The following TMEM132D variants were observed in gnomAD, a reference collection of about 807,000 sequenced individuals.
TMEM132D encodes the protein transmembrane protein 132D, also known as mature OL transmembrane protein.
TMEM132D carries 21 observed loss-of-function variants against 62.3 expected under a neutral mutation model. The observed-to-expected ratio is 0.34, with a 90% CI of 0.24 to 0.49. The LOEUF (loss-of-function observed/expected upper bound fraction) is 0.49. Ranked by LOEUF, TMEM132D falls within the 20% of genes least tolerant of loss-of-function variation. The pLI, the probability that TMEM132D is intolerant of heterozygous loss-of-function variation, is 0.99. For synonymous variants in TMEM132D, 621 were observed against 575.6 expected, an observed-to-expected ratio of 1.08 and a Z score of -1.13; for missense variants, 1,346 against 1,402.8, an observed-to-expected ratio of 0.96 and a Z score of 0.65.
chr12:129,566,292 T>C (rs913485700), intron 2 of TMEM132D, among the ~76,000 whole-genome samples: 1 of 152,186 alleles, frequency 6.6e-6, no homozygotes, highest in Admixed American at 6.5e-5. Context: ...AAAACTGGTA[T>C]CTGCTACTGT....
chr12:129,410,252 A>G (rs995346313), intron 3 of TMEM132D, among the ~76,000 whole-genome samples: 1 of 152,246 alleles, frequency 6.6e-6, no homozygotes, highest in Admixed American at 6.5e-5. Context: ...AAAACACAGT[A>G]CAGAGTTTAC....
At chr12:129,527,568 T>C (rs1001193519) in intron 3 of TMEM132D, among the ~76,000 whole-genome samples, 1 of 152,180 alleles carries the variant, frequency 6.6e-6, no homozygotes, top group Admixed American at 6.5e-5. Context: ...CATTCAAGTA[T>C]ACTGATCCTC....
intron 4 of TMEM132D, among the ~76,000 whole-genome samples, chr12:129,269,065 T>G (rs901501930): frequency 6.6e-6 from 1 of 151,424 alleles, no homozygotes; most frequent in African/African-American, 2.4e-5. Context: ...ATATACCTAA[T>G]GCTAAATGAC....
chr12:129,437,399 T>C (rs565392836), intron 3 of TMEM132D, among the ~76,000 whole-genome samples: 2 of 152,164 alleles, frequency 1.3e-5, no homozygotes, highest in Non-Finnish European at 2.9e-5. Context: ...TTTTTAAGTA[T>C]TTGGGGTATA....
chr12:129,840,897 G>A (rs1352814097), intron 1 of TMEM132D, among the ~76,000 whole-genome samples: 1 of 152,214 alleles, frequency 6.6e-6, no homozygotes, highest in Non-Finnish European at 1.5e-5. Context: ...GCTTAATAAG[G>A]AAAGCATGAA....
At chr12:129,104,710 A>G in intron 5 of TMEM132D, among the ~76,000 whole-genome samples, 1 of 151,236 alleles carries the variant, frequency 6.6e-6, no homozygotes, top group African/African-American at 2.5e-5. Context: ...AAAACAAACA[A>G]CCCCATCAAA....
At chr12:129,294,533 C>A (rs1323034521) in intron 4 of TMEM132D, among the ~76,000 whole-genome samples, 2 of 152,190 alleles carry the variant, frequency 1.3e-5, no homozygotes, top group Non-Finnish European at 2.9e-5. Context: ...TTACCCTTTC[C>A]AGAGGGCTAC....
At chr12:129,864,149 G>A (rs934007983) in intron 1 of TMEM132D, among the ~76,000 whole-genome samples, 2 of 152,312 alleles carry the variant, frequency 1.3e-5, no homozygotes, top group African/African-American at 4.8e-5. Context: ...CTTGTGAGGA[G>A]ACTCAAGCAG....
chr12:129,104,031 G>GA (rs1302435066), intron 5 of TMEM132D, among the ~76,000 whole-genome samples: 1 of 151,644 alleles, frequency 6.6e-6, no homozygotes, highest in Non-Finnish European at 1.5e-5. Flanking sequence ...CACAGAATTG[G>GA]AAAAAACTAC....
At chr12:129,859,141 G>A (rs1466568869) in intron 1 of TMEM132D, among the ~76,000 whole-genome samples, 1 of 152,190 alleles carries the variant, frequency 6.6e-6, no homozygotes, top group Non-Finnish European at 1.5e-5. Flanking sequence ...TGAGGACACG[G>A]TGAGAAGGTG....
At chr12:129,623,713 G>A (rs11060466) in intron 2 of TMEM132D, among the ~76,000 whole-genome samples, 3,628 of 91,952 alleles carry the variant, frequency 0.039, 140 homozygotes, top group African/African-American at 0.11. Context: ...ACATACATAT[G>A]CATATATATA....
At chr12:129,896,001 C>T (rs1037310012) in intron 1 of TMEM132D, among the ~76,000 whole-genome samples, 1 of 141,922 alleles carries the variant, frequency 7.0e-6, no homozygotes, top group Non-Finnish European at 1.5e-5. Context: ...GACAGGGTCT[C>T]ACTCTGTCAC....
chr12:129,185,719 A>C (rs1030686012), intron 5 of TMEM132D, among the ~76,000 whole-genome samples: 5 of 143,026 alleles, frequency 3.5e-5, no homozygotes, highest in East Asian at 1.9e-4. Flanking sequence ...GTCTGTCTCT[A>C]TCTATCTGTC....
intron 5 of TMEM132D, among the ~76,000 whole-genome samples, chr12:129,119,177 T>C (rs1875986753): frequency 6.6e-6 from 1 of 152,234 alleles, no homozygotes; most frequent in Non-Finnish European, 1.5e-5. Flanking sequence ...GAAATGGTTT[T>C]GACTTTTTAA....
intron 2 of TMEM132D, among the ~76,000 whole-genome samples, chr12:129,546,691 C>T (rs1876746218): frequency 6.6e-6 from 1 of 151,914 alleles, no homozygotes; most frequent in Admixed American, 6.6e-5. Context: ...ATCCCAGCAA[C>T]TCAGGAGGCT....
intron 5 of TMEM132D, among the ~76,000 whole-genome samples, chr12:129,198,200 G>A (rs1041329964): frequency 2.0e-5 from 3 of 152,230 alleles, no homozygotes; most frequent in East Asian, 3.9e-4. Flanking sequence ...AGGATGTAAC[G>A]AAAAGGGAAC....
chr12:129,624,073 G>C (rs1022231315), intron 2 of TMEM132D, among the ~76,000 whole-genome samples: 29 of 152,090 alleles, frequency 1.9e-4, no homozygotes, highest in African/African-American at 6.8e-4. Context: ...GAGTGACTTA[G>C]TCATATCCCC....
intron 5 of TMEM132D, among the ~76,000 whole-genome samples, chr12:129,154,953 T>C (rs1877190585): frequency 6.6e-6 from 1 of 152,244 alleles, no homozygotes. Context: ...GTTTACACTT[T>C]TCTGGCATTA....
chr12:129,196,021 G>T (rs954771145), intron 5 of TMEM132D, among the ~76,000 whole-genome samples: 1 of 152,128 alleles, frequency 6.6e-6, no homozygotes, highest in African/African-American at 2.4e-5. Context: ...CAGCTACTTG[G>T]GAGGCTGAGG....
Sources: allele counts gnomAD v4.1 joint callset (sites outside exome capture counted in the v4.1 genomes callset), GRCh38; gene constraint gnomAD v4.1.1; transcripts MANE v1.5; gene names NCBI Gene and HGNC (gene_info 2026-07-23, HGNC 2026-07-21).